GRM5: variants seen among roughly 807,000 people sequenced by gnomAD.
GRM5 encodes the protein metabotropic glutamate receptor 5.
GRM5 carries 19 observed loss-of-function variants against 83.1 expected under a neutral mutation model. The ratio of observed to expected loss-of-function variants is 0.23; its 90% CI spans 0.16 to 0.34. The LOEUF (loss-of-function observed/expected upper bound fraction) is 0.34, where lower values mean the gene tolerates loss of function less well. Among genes scored for constraint, GRM5 ranks in the 10% least tolerant of loss-of-function variants. The probability of loss-of-function intolerance (pLI) is 1.00; values close to 1 mark genes in which losing one functional copy is unlikely to be tolerated. For synonymous variants in GRM5, 675 were observed against 633.6 expected, an observed-to-expected ratio of 1.07 and a Z score of -0.98; for missense variants, 1,160 against 1,588.3, an observed-to-expected ratio of 0.73 and a Z score of 4.58.
Position 88,578,901 on chromosome 11 carries a change from T to A in GRM5, c.1691-10909A>T, listed in dbSNP as rs1342912346. Among the ~76,000 whole-genome samples the A allele has an allele frequency of 4.6e-5, 7 of 151,884 alleles. No individual in the cohort carries two copies. In the East Asian group the frequency reaches 1.4e-3, roughly 29 times the overall value. ...AAAATTTTTCATTGCATTTTAGAGA[T>A]CCTGTTAGAAAGAATCCATTGATTC... On this transcript the variant is annotated intron_variant, in intron 7 of 9. Transcript: ENST00000305447.
At chr11:88,915,025 T>C (rs1273723835) in intron 2 of GRM5, among the ~76,000 whole-genome samples, 1 of 152,186 alleles carries the variant, frequency 6.6e-6, no homozygotes, top group Non-Finnish European at 1.5e-5. Context: ...AATGGTTTTG[T>C]TAGTAACTTT....
At chr11:88,695,667 G>A (rs569824916) in intron 3 of GRM5, among the ~76,000 whole-genome samples, 1 of 152,140 alleles carries the variant, frequency 6.6e-6, no homozygotes, top group Non-Finnish European at 1.5e-5. Flanking sequence ...GTCCTGAAAG[G>A]ATATTTGTAA....
chr11:89,053,218 A>G (rs1941796304), intron 1 of GRM5, among the ~76,000 whole-genome samples: 1 of 152,190 alleles, frequency 6.6e-6, no homozygotes, highest in South Asian at 2.1e-4. Flanking sequence ...TAGGTTATCT[A>G]GTACAAGTGT....
At chr11:88,657,676 A>C (rs1228747424) in intron 3 of GRM5, among the ~76,000 whole-genome samples, 1 of 152,050 alleles carries the variant, frequency 6.6e-6, no homozygotes, top group African/African-American at 2.4e-5. Flanking sequence ...TGAAAGCTTA[A>C]TTTTTCTTTC....
chr11:88,880,608 C>A (rs1352056363), intron 2 of GRM5, among the ~76,000 whole-genome samples: 1 of 152,178 alleles, frequency 6.6e-6, no homozygotes, highest in Non-Finnish European at 1.5e-5. Context: ...TGAGCAAGAA[C>A]TTGGTAGGAG....
chr11:88,897,385 A>G (rs1565282471), intron 2 of GRM5, among the ~76,000 whole-genome samples: 1 of 151,964 alleles, frequency 6.6e-6, no homozygotes, highest in South Asian at 2.1e-4. Flanking sequence ...GACACAAAAA[A>G]TTCATAATGA....
At chr11:88,922,596 A>C (rs1393629125) in intron 2 of GRM5, among the ~76,000 whole-genome samples, 1 of 152,086 alleles carries the variant, frequency 6.6e-6, no homozygotes, top group Non-Finnish European at 1.5e-5. Flanking sequence ...TTCAAGACTG[A>C]AATCTGAGAC....
chr11:88,940,125 T>C (rs1938039908), intron 2 of GRM5, among the ~76,000 whole-genome samples: 1 of 151,950 alleles, frequency 6.6e-6, no homozygotes, highest in Admixed American at 6.6e-5. Context: ...TAAATACGCC[T>C]GCCCAAATGA....
At chr11:88,922,777 A>G (rs1565293532) in intron 2 of GRM5, among the ~76,000 whole-genome samples, 2 of 152,190 alleles carry the variant, frequency 1.3e-5, no homozygotes, top group Non-Finnish European at 2.9e-5. Context: ...AATGATCAAC[A>G]AAGTGAAGAG....
At chr11:88,870,136 G>C (rs1230010370) in intron 2 of GRM5, among the ~76,000 whole-genome samples, 1 of 151,444 alleles carries the variant, frequency 6.6e-6, no homozygotes, top group Non-Finnish European at 1.5e-5. Context: ...TTTATAGGGA[G>C]TGGAGTGACA....
intron 3 of GRM5, among the ~76,000 whole-genome samples, chr11:88,789,542 A>G (rs1323105380): frequency 6.6e-6 from 1 of 152,118 alleles, no homozygotes; most frequent in African/African-American, 2.4e-5. Context: ...GATATTTTTA[A>G]TACTCAGAGA....
At chr11:88,584,205 TACACACACAC>T (rs10526384) in intron 7 of GRM5, among the ~76,000 whole-genome samples, 128 of 144,306 alleles carry the variant, frequency 8.9e-4, no homozygotes, top group Middle Eastern at 6.9e-3. Context: ...TGTTTCAAAT[TACACACACAC>T]ACACACACAC....
At chr11:88,930,252 TAA>T (rs71988329) in intron 2 of GRM5, among the ~76,000 whole-genome samples, 3 of 147,418 alleles carry the variant, frequency 2.0e-5, no homozygotes, top group Admixed American at 6.8e-5. Context: ...TCACCAAAAT[TAA>T]AAAAAAAAAA....
Position 88,996,687 on chromosome 11 carries a change from T to C in GRM5, c.661+50525A>G, listed in dbSNP as rs1353895651. Among the ~76,000 whole-genome samples the C allele has an allele frequency of 3.9e-5, 6 of 152,256 alleles. No homozygotes were observed. The East Asian group carries it at 1.2e-3, about 29-fold the overall frequency. ...ACATCTAATTGGCATTTATAGAACATTCCATCCAAGAGAAGAATACGTTCT... is the reference window on the plus strand; with the variant it reads ...ACATCTAATTGGCATTTATAGAACACTCCATCCAAGAGAAGAATACGTTCT... On this transcript the variant is annotated intron_variant, in intron 2 of 9. Transcript: ENST00000305447.
intron 2 of GRM5, among the ~76,000 whole-genome samples, chr11:88,981,121 T>C (rs539533341): frequency 2.0e-5 from 3 of 152,388 alleles, no homozygotes; most frequent in African/African-American, 7.2e-5. Context: ...TACTCTGTGA[T>C]CTCTGCCTCT....
intron 8 of GRM5, among the ~76,000 whole-genome samples, chr11:88,538,468 A>G (rs1942187574): frequency 6.6e-6 from 1 of 152,226 alleles, no homozygotes; most frequent in African/African-American, 2.4e-5. Flanking sequence ...GTTAACTATA[A>G]GAAGGGTCTC....
intron 3 of GRM5, among the ~76,000 whole-genome samples, chr11:88,806,081 C>T (rs1358837239): frequency 6.6e-6 from 1 of 152,168 alleles, no homozygotes; most frequent in Non-Finnish European, 1.5e-5. Context: ...CAATTTGCTT[C>T]ATCCCTTTGG....
intron 2 of GRM5, among the ~76,000 whole-genome samples, chr11:89,022,507 A>G (rs7101404): frequency 0.07 from 10,506 of 149,094 alleles, 921 homozygotes; most frequent in African/African-American, 0.21. Context: ...AAAAAAATAG[A>G]CAGACGTTGT....
rs1023288987 is a variant in GRM5 at position 89,065,923 on chromosome 11, G to A, written c.-348C>T. ...AGGCAGAACGGCTGCGGGGCCCGCGGCGGTGGCGCTCGCTCTCTCGCGCCA... is the reference window on the plus strand; with the variant it reads ...AGGCAGAACGGCTGCGGGGCCCGCGACGGTGGCGCTCGCTCTCTCGCGCCA... On this transcript the variant is annotated 5_prime_UTR_variant, in exon 1 of 10. Transcript: ENST00000305447. 6.6e-6 allele frequency: 1 copy of A among 152,172 alleles called. No individual in the cohort carries two copies. Among genetic ancestry groups the A allele is most frequent in the Non-Finnish European group, 1.5e-5 (1 of 68,038 alleles). The allele number at this position is 152,172 out of a possible 1,614,324, so 9.4% of individuals were successfully genotyped here.
Sources: allele counts gnomAD v4.1 joint callset (sites outside exome capture counted in the v4.1 genomes callset), GRCh38; gene constraint gnomAD v4.1.1; transcripts MANE v1.5; gene names NCBI Gene and HGNC (gene_info 2026-07-23, HGNC 2026-07-21).